Variants in ZNF536 observed in about 807,000 individuals in gnomAD.
The protein encoded by ZNF536 is zinc finger protein 536.
In ZNF536, 13 loss-of-function variants were observed where a neutral mutation model predicts 84.5. That is an observed-to-expected ratio of 0.15 (90% CI 0.10 to 0.24). The LOEUF is 0.24. Among genes scored for constraint, ZNF536 ranks in the 10% least tolerant of loss-of-function variants. The probability of loss-of-function intolerance (pLI) is 1.00; values close to 1 mark genes in which losing one functional copy is unlikely to be tolerated. For synonymous variants in ZNF536, 811 were observed against 742.5 expected (o/e 1.09, Z -1.50); for missense variants, 1,536 against 1,747.5 (o/e 0.88, Z 2.16).
intron 2 of ZNF536, among the ~76,000 whole-genome samples, chr19:30,344,614 C>T (rs926067469): frequency 5.9e-5 from 9 of 152,116 alleles, no homozygotes; most frequent in Admixed American, 1.3e-4. Flanking sequence ...CCTGGCCTGC[C>T]ACACCTTAAA....
chr19:30,517,680 G>C (rs2044139525), intron 2 of ZNF536, among the ~76,000 whole-genome samples: 1 of 152,136 alleles, frequency 6.6e-6, no homozygotes. Flanking sequence ...TACTTGGGAG[G>C]CTGACACGGG....
intron 1 of ZNF536, among the ~76,000 whole-genome samples, chr19:30,233,044 T>G (rs909235388): frequency 6.6e-6 from 1 of 152,084 alleles, no homozygotes; most frequent in Admixed American, 6.5e-5. Context: ...GACAGACAAA[T>G]CCCAGTGCCC....
In ZNF536 at chr19:30,588,623, T is replaced by C. The variant is rs2047176834; in HGVS notation, c.169+39109T>C. On this transcript the variant is annotated intron_variant, in intron 1 of 1. Transcript: ENST00000592773. ...GAAGAAAGTATCAGTTTGGTGCTGCTCTGCCTTTAACACCTCTCCAACATT... is the reference window on the plus strand; with the variant it reads ...GAAGAAAGTATCAGTTTGGTGCTGCCCTGCCTTTAACACCTCTCCAACATT... Among the ~76,000 whole-genome samples the C allele has an allele frequency of 1.3e-5, 2 of 152,220 alleles. 1 individual carries two copies. The highest frequency in any genetic ancestry group is 4.1e-4 in the South Asian group (2 of 4,830).
At chr19:30,651,268 G>A (rs556876380) in intron 1 of ZNF536, among the ~76,000 whole-genome samples, 4 of 152,330 alleles carry the variant, frequency 2.6e-5, no homozygotes, top group African/African-American at 9.6e-5. Context: ...GAACCAGGTA[G>A]CAAATGTTGC....
At chr19:30,677,598 G>A (rs567726138) in intron 1 of ZNF536, among the ~76,000 whole-genome samples, 17 of 152,366 alleles carry the variant, frequency 1.1e-4, no homozygotes, top group South Asian at 6.2e-4. Flanking sequence ...GCTGGCGGCA[G>A]GCTGACCTCT....
intron 1 of ZNF536, among the ~76,000 whole-genome samples, chr19:30,671,556 G>C (rs2050551898): frequency 6.6e-6 from 1 of 152,118 alleles, no homozygotes; most frequent in Non-Finnish European, 1.5e-5. Flanking sequence ...AGGAGAAGGG[G>C]AAGCGGGGCA....
At chr19:30,271,321 C>G (rs1476982098) in intron 1 of ZNF536, among the ~76,000 whole-genome samples, 4 of 34,072 alleles carry the variant, frequency 1.2e-4, no homozygotes, top group African/African-American at 5.6e-4. Flanking sequence ...TTTTTTTTTG[C>G]TAAAGCATGA....
chr19:30,552,666 C>T (rs2045825374), intron 4 of ZNF536, among the ~76,000 whole-genome samples: 1 of 152,188 alleles, frequency 6.6e-6, no homozygotes, highest in Admixed American at 6.5e-5. Flanking sequence ...TTCCTTGGTG[C>T]CATAGAGCCA....
At chr19:30,410,918 A>T (rs377527711) in intron 1 of ZNF536, among the ~76,000 whole-genome samples, 9 of 152,252 alleles carry the variant, frequency 5.9e-5, no homozygotes, top group South Asian at 2.1e-4. Flanking sequence ...TTTTTCACAA[A>T]CATGGCAAAA....
chr19:30,365,786 G>C (rs2048409841), intron 3 of ZNF536, among the ~76,000 whole-genome samples: 1 of 152,128 alleles, frequency 6.6e-6, no homozygotes, highest in African/African-American at 2.4e-5. Flanking sequence ...GACTTTAATA[G>C]TTTTTAAGTA....
chr19:30,474,950 C>T (rs1257417428), intron 2 of ZNF536, among the ~76,000 whole-genome samples: 1 of 148,726 alleles, frequency 6.7e-6, no homozygotes. Context: ...TCCTACCTGT[C>T]CCTTCCCTTC....
At chr19:30,250,297 C>G (rs921337244) in intron 1 of ZNF536, among the ~76,000 whole-genome samples, 1 of 152,224 alleles carries the variant, frequency 6.6e-6, no homozygotes, top group Non-Finnish European at 1.5e-5. Context: ...GACCCTAACC[C>G]TTTCCCCTCT....
rs563315447 is a variant in ZNF536, at chr19:30,238,506, G to T, written c.-190+9833G>T. Among the ~76,000 whole-genome samples the T allele has an allele frequency of 2.0e-5, 3 of 152,140 alleles. No individual in the cohort carries two copies. The South Asian group carries it at 6.2e-4, about 32-fold the overall frequency. The stretch of plus-strand genomic sequence containing the variant: ...ATGCACACAAGTGTACTGGTTGGTT[G>T]CTGGATTCCTGGTAGGGACATTATA... On this transcript the variant is annotated intron_variant, in intron 1 of 5. Transcript: ENST00000585628.
At position 30,445,555 on chromosome 19, in the gene ZNF536, C is replaced by T. The variant is rs1233903961; in HGVS notation, c.1993C>T (p.His665Tyr). 6.8e-6 allele frequency: 11 copies of T among 1,613,490 alleles called. No homozygotes were observed. Among genetic ancestry groups the T allele is most frequent in the Non-Finnish European group, 9.3e-6 (11 of 1,179,760 alleles). Residue 665 changes from histidine to tyrosine, a missense_variant, in exon 2 of 5, where the codon CAC becomes TAC. Coordinates refer to ENST00000355537, the MANE Select transcript of ZNF536 (RefSeq NM_014717.3). This position sits in a 1 kb window ranked among gnomAD's most constrained non-coding sequence, Gnocchi z 4.5. ...CCGCAAGGGCGAGGAGGATGGGCTG[C>T]ACGTGGGCCTGGATGAGCGGCGTGG... ...RDRKGEEDGL[H>Y]VGLDERRGSG...
chr19:30,469,586 C>CTGAT (rs1432115576), intron 2 of ZNF536, among the ~76,000 whole-genome samples: 1 of 152,174 alleles, frequency 6.6e-6, no homozygotes, highest in African/African-American at 2.4e-5. Flanking sequence ...CAACCCTTGG[C>CTGAT]TGATAGAGGC....
chr19:30,284,407 T>C (rs1359195536), intron 2 of ZNF536, among the ~76,000 whole-genome samples: 1 of 152,236 alleles, frequency 6.6e-6, no homozygotes, highest in Non-Finnish European at 1.5e-5. Flanking sequence ...CGTGACACCC[T>C]GAGTCCCTAT....
intron 1 of ZNF536, among the ~76,000 whole-genome samples, chr19:30,382,455 A>C (rs2049057622): frequency 6.6e-6 from 1 of 152,192 alleles, no homozygotes; most frequent in South Asian, 2.1e-4. Flanking sequence ...CAATAATGGT[A>C]TTTACAAATT....
intron 2 of ZNF536, among the ~76,000 whole-genome samples, chr19:30,515,961 A>G (rs1454553167): frequency 1.4e-5 from 2 of 138,230 alleles, no homozygotes; most frequent in African/African-American, 5.5e-5. Flanking sequence ...CAGGAGGCGG[A>G]GGTTGTAGTG....
At chr19:30,561,444 A>C (rs977440396), downstream of ZNF536, among the ~76,000 whole-genome samples, 1 of 152,156 alleles carries the variant, frequency 6.6e-6, no homozygotes, top group Non-Finnish European at 1.5e-5. Flanking sequence ...TCAATCCCCT[A>C]AGACTTCCTT....
Sources: gnomAD v4.1 joint callset for allele counts (sites outside exome capture counted in the v4.1 genomes callset) on GRCh38, gnomAD v4.1.1 for gene constraint, Gnocchi (gnomAD v3.1) non-coding constraint, MANE v1.5 for transcripts, NCBI Gene and HGNC (gene_info 2026-07-23, HGNC 2026-07-21) for gene names.